Variants in NF1 observed in about 807,000 individuals in gnomAD.
NF1 encodes the protein neurofibromin 1.
NF1 carries 122 observed loss-of-function variants against 325.7 expected under a neutral mutation model. The ratio of observed to expected loss-of-function variants is 0.37; its 90% CI spans 0.32 to 0.44. The LOEUF is 0.44. Among genes scored for constraint, NF1 ranks in the 20% least tolerant of loss-of-function variants. The pLI, the probability that NF1 is intolerant of heterozygous loss-of-function variation, is 1.00. For missense variants in NF1, 2,140 were observed against 3,415.4 expected (o/e 0.63, Z 9.31); for synonymous variants, 1,091 against 1,186.0 (o/e 0.92, Z 1.65).
In NF1 at chr17:31,320,518, T is replaced by A. The variant is rs181287620; in HGVS notation, c.4836-5302T>A. 23 of 1,171,824 alleles carry A rather than the reference T, an allele frequency of 2.0e-5. No homozygotes were observed. The African/African-American group carries it at 2.6e-4, about 13-fold the overall frequency. The allele number at this position is 1,171,824 out of a possible 1,614,324, so 72.6% of individuals were successfully genotyped here. A position where few individuals can be genotyped will look rare whatever the true frequency, so the allele number is the denominator to read the frequency against. On this transcript the variant is annotated intron_variant, in intron 36 of 57. Coordinates refer to ENST00000358273, the MANE Select transcript of NF1 (RefSeq NM_001042492.3). ...TCATTGGCTGACATTTGTATACTATTAAAATACAGAAATTGAAAATAAGAA... is the reference window on the plus strand; with the variant it reads ...TCATTGGCTGACATTTGTATACTATAAAAATACAGAAATTGAAAATAAGAA...
chr17:31,280,517 A>C (rs1030759689), intron 36 of NF1, among the ~76,000 whole-genome samples: 1 of 44,912 alleles, frequency 2.2e-5, no homozygotes, highest in Non-Finnish European at 3.4e-5. Flanking sequence ...ACTCTGTCTC[A>C]AAAAAAAAAA....
At chr17:31,341,727 A>G (rs552260277) in intron 47 of NF1, among the ~76,000 whole-genome samples, 8 of 151,516 alleles carry the variant, frequency 5.3e-5, no homozygotes, top group South Asian at 4.2e-4. Context: ...GTGTGTGTGT[A>G]TATATATATG....
At chr17:31,148,934 A>G (rs1441046217) in intron 1 of NF1, among the ~76,000 whole-genome samples, 1 of 152,060 alleles carries the variant, frequency 6.6e-6, no homozygotes, top group Non-Finnish European at 1.5e-5. Context: ...TAGAATATGG[A>G]TTCTATCCTT....
intron 1 of NF1, among the ~76,000 whole-genome samples, chr17:31,117,502 T>G (rs1428910611): frequency 6.7e-6 from 1 of 149,508 alleles, no homozygotes; most frequent in African/African-American, 2.4e-5. Context: ...AAACCCTGTC[T>G]CTACTAAAAA....
intron 36 of NF1, chr17:31,278,390 CT>C (rs1200023322): frequency 5.3e-5 from 4 of 76,138 alleles, no homozygotes; most frequent in Non-Finnish European, 1.0e-4. Context: ...TTTCTTTGGT[CT>C]TTTTGGATTT....
At chr17:31,183,005 A>G (rs568472433) in intron 8 of NF1, 25 of 553,548 alleles carry the variant, frequency 4.5e-5, no homozygotes, top group Admixed American at 2.7e-4. Context: ...CATCACTTTT[A>G]TAGTGTGTTA....
intron 36 of NF1, among the ~76,000 whole-genome samples, chr17:31,284,634 TGG>T (rs758216104): frequency 6.4e-4 from 98 of 151,986 alleles, no homozygotes; most frequent in Non-Finnish European, 1.1e-3. Flanking sequence ...TTGGCCAGGC[TGG>T]TCTCATAGAA....
At chr17:31,157,560 A>C (rs2065685813) in intron 2 of NF1, among the ~76,000 whole-genome samples, 1 of 152,160 alleles carries the variant, frequency 6.6e-6, no homozygotes. Flanking sequence ...AATACATATA[A>C]TACATAGTGA....
rs2151555349 is a variant in NF1 at position 31,336,957 on chromosome 17, C to G, written c.6427+43C>G. ...AATTTGTGTTTACCAGTTCCTTTCT[C>G]CATTTTACTTCACCTGATCAATATA... is the stretch of plus-strand genomic sequence containing the variant. On this transcript the variant is annotated intron_variant, in intron 42 of 57. Transcript: ENST00000358273. This position sits in a 1 kb window ranked among gnomAD's most constrained non-coding sequence, Gnocchi z 5.5. 1 of 1,583,416 alleles carries G rather than the reference C, an allele frequency of 6.3e-7. No individual in the cohort carries two copies.
rs1597830104 is a variant in NF1 at position 31,326,127 on chromosome 17, C to T, written c.5143C>T (p.Leu1715=). ...TGTTTTCATAGACTGTCCTGGGAAA[C>T]TGGCTGAGCACATAGAGCATGAACA... is the stretch of plus-strand genomic sequence containing the variant. ...RLVFIDCPGK[L]AEHIEHEQQK... is the part of the protein sequence containing the mutation. The change falls in exon 37 of 58, where the codon CTG becomes TTG. Residue 1715 remains leucine (L), a synonymous_variant. Transcript: ENST00000358273. 6.2e-7 allele frequency: 1 copy of T among 1,612,908 alleles called. No homozygotes were observed.
At chr17:31,296,152 T>G in intron 36 of NF1, 4 of 1,611,776 alleles carry the variant, frequency 2.5e-6, no homozygotes, top group Non-Finnish European at 3.4e-6. Context: ...AAGACAGGTT[T>G]AAATGTATAA....
chr17:31,114,898 A>G lies in NF1; in HGVS notation c.60+19529A>G, dbSNP rs11871631. Among the ~76,000 whole-genome samples, 493 of 152,258 alleles carry G rather than the reference A, an allele frequency of 3.2e-3. 2 individuals carry two copies. The highest frequency in any genetic ancestry group is 0.011 in the African/African-American group (470 of 41,552). ...TACAAATCTTTGGTGGTCCTGCTTCATGTGTGTGCATGCCTGTGGCTGTGG... is the reference window on the plus strand; with the variant it reads ...TACAAATCTTTGGTGGTCCTGCTTCGTGTGTGTGCATGCCTGTGGCTGTGG... On this transcript the variant is annotated intron_variant, in intron 1 of 57. Coordinates refer to ENST00000358273, the MANE Select transcript of NF1 (RefSeq NM_001042492.3).
intron 30 of NF1, 34 bp downstream of exon 30, chr17:31,249,153 C>T: frequency 1.9e-6 from 3 of 1,608,324 alleles, no homozygotes; most frequent in Non-Finnish European, 2.6e-6. Context: ...CATTATTAAT[C>T]TAAAGTTAAA....
chr17:31,352,461 T>C (rs1357159182), intron 51 of NF1, 47 bp downstream of exon 51: 1 of 1,445,500 alleles, frequency 6.9e-7, no homozygotes, highest in Non-Finnish European at 9.2e-7. Flanking sequence ...TTTAAAAAAA[T>C]AGATATTTTT....
chr17:31,130,325 G>A (rs1915260352), intron 1 of NF1, among the ~76,000 whole-genome samples: 1 of 152,168 alleles, frequency 6.6e-6, no homozygotes. Flanking sequence ...ATACTCCCGT[G>A]GGTTGTGCCA....
At chr17:31,224,961 C>T (rs1489331712) in intron 16 of NF1, 134 bp from the exon 17 acceptor site, 1 of 874,412 alleles carries the variant, frequency 1.1e-6, no homozygotes, top group Non-Finnish European at 1.9e-6. Flanking sequence ...AGTGAATCTC[C>T]TTCAAGTTGG....
At chr17:31,154,771 C>T (rs1380039482) in intron 1 of NF1, among the ~76,000 whole-genome samples, 2 of 144,402 alleles carry the variant, frequency 1.4e-5, no homozygotes, top group Non-Finnish European at 3.0e-5. Flanking sequence ...GATGGAGTCT[C>T]GCCCGATCGC....
intron 36 of NF1, chr17:31,295,877 T>C (rs2068453723): frequency 1.2e-6 from 2 of 1,614,194 alleles, no homozygotes; most frequent in Non-Finnish European, 1.7e-6. Context: ...ACTACTGAGG[T>C]TGAGAACCTC....
chr17:31,173,480 C>T (rs1249372725), intron 5 of NF1, among the ~76,000 whole-genome samples: 1 of 151,784 alleles, frequency 6.6e-6, no homozygotes, highest in African/African-American at 2.4e-5. Flanking sequence ...CCCATAATCC[C>T]AGCTACTCGG....
Sources: allele counts gnomAD v4.1 joint callset (sites outside exome capture counted in the v4.1 genomes callset), GRCh38; gene constraint gnomAD v4.1.1; non-coding constraint Gnocchi (gnomAD v3.1); transcripts MANE v1.5; gene names NCBI Gene and HGNC (gene_info 2026-07-23, HGNC 2026-07-21).